RFX7: variants seen among roughly 807,000 people sequenced by gnomAD.
The protein encoded by RFX7 is regulatory factor X7, also known as DNA-binding protein RFX7.
In RFX7, 26 loss-of-function variants were observed where a neutral mutation model predicts 111.8. That is an observed-to-expected ratio of 0.23 (90% CI 0.17 to 0.32). RFX7 has a LOEUF of 0.32. Ranked by LOEUF, RFX7 falls within the 10% of genes least tolerant of loss-of-function variation. RFX7 has a pLI of 1.00. For missense variants in RFX7, 1,573 were observed against 1,772.9 expected, an observed-to-expected ratio of 0.89 and a Z score of 2.02; for synonymous variants, 624 against 624.4, an observed-to-expected ratio of 1.00 and a Z score of 0.01.
intron 3 of RFX7, among the ~76,000 whole-genome samples, chr15:56,171,770 C>G (rs557495862): frequency 6.6e-6 from 1 of 152,202 alleles, no homozygotes; most frequent in African/African-American, 2.4e-5. Flanking sequence ...GGGTATGATA[C>G]AAGTTTGGCT....
intron 2 of RFX7, among the ~76,000 whole-genome samples, chr15:56,223,135 T>C (rs1054019862): frequency 2.6e-5 from 4 of 152,192 alleles, no homozygotes; most frequent in African/African-American, 4.8e-5. Flanking sequence ...CTTTCAGCAC[T>C]GTGTAATCTC....
chr15:56,144,154 T>A (rs1486576181), intron 4 of RFX7, among the ~76,000 whole-genome samples: 1 of 152,150 alleles, frequency 6.6e-6, no homozygotes, highest in Non-Finnish European at 1.5e-5. Flanking sequence ...CATCTGTCTA[T>A]GAAACAAAAC....
chr15:56,242,406 C>A (rs184402553), intron 2 of RFX7, among the ~76,000 whole-genome samples: 167 of 152,058 alleles, frequency 1.1e-3, no homozygotes, highest in African/African-American at 3.9e-3. Context: ...AATTTTCATA[C>A]AAGAAAGTAA....
At chr15:56,184,247 C>G (rs2043012301) in intron 2 of RFX7, among the ~76,000 whole-genome samples, 1 of 131,596 alleles carries the variant, frequency 7.6e-6, no homozygotes, top group Non-Finnish European at 1.6e-5. Flanking sequence ...CCATGTTGGT[C>G]AGGCTGGTCT....
At chr15:56,110,098 T>A (rs1276596898) in intron 5 of RFX7, among the ~76,000 whole-genome samples, 4 of 87,770 alleles carry the variant, frequency 4.6e-5, no homozygotes, top group Admixed American at 1.1e-4. Context: ...GGTGGGGGGG[T>A]CAGCCCCCCG....
At chr15:56,125,717 T>A (rs1323574224) in intron 5 of RFX7, among the ~76,000 whole-genome samples, 1 of 152,030 alleles carries the variant, frequency 6.6e-6, no homozygotes, top group Non-Finnish European at 1.5e-5. Flanking sequence ...CAGTTTTTAA[T>A]CTTAAAAAAG....
At chr15:56,151,363 G>A (rs1043309588) in intron 3 of RFX7, among the ~76,000 whole-genome samples, 14 of 152,254 alleles carry the variant, frequency 9.2e-5, no homozygotes, top group African/African-American at 2.6e-4. Flanking sequence ...CAGCTCTCTC[G>A]GCAGAAACCC....
intron 3 of RFX7, among the ~76,000 whole-genome samples, chr15:56,149,562 G>T (rs1489659632): frequency 1.3e-5 from 2 of 152,218 alleles, no homozygotes; most frequent in East Asian, 3.9e-4. Context: ...GCGAGGCGAA[G>T]CAGGGTGGGG....
At chr15:56,172,977 G>A (rs2042861942) in intron 3 of RFX7, among the ~76,000 whole-genome samples, 1 of 152,036 alleles carries the variant, frequency 6.6e-6, no homozygotes, top group African/African-American at 2.4e-5. Flanking sequence ...ACAACAAAAA[G>A]CATAGACTGT....
At chr15:56,148,546 GC>G (rs765251620) in intron 3 of RFX7, among the ~76,000 whole-genome samples, 14 of 152,146 alleles carry the variant, frequency 9.2e-5, no homozygotes, top group East Asian at 5.8e-4. Context: ...TTTGAATCCT[GC>G]CACGCAACCC....
chr15:56,235,633 A>G (rs1335515201), intron 2 of RFX7, among the ~76,000 whole-genome samples: 1 of 152,178 alleles, frequency 6.6e-6, no homozygotes, highest in Non-Finnish European at 1.5e-5. Context: ...TGCTTCATCT[A>G]TAAGAGAGCT....
chr15:56,214,386 C>T (rs1008162451), intron 2 of RFX7, among the ~76,000 whole-genome samples: 1 of 152,032 alleles, frequency 6.6e-6, no homozygotes, highest in Non-Finnish European at 1.5e-5. Context: ...TTATTTATGC[C>T]TACATTATTG....
Position 56,142,902 on chromosome 15 carries a change from TA to T in RFX7, c.279-3del, listed in dbSNP as rs1369811151. 1 of 1,612,918 alleles carries T rather than the reference TA, an allele frequency of 6.2e-7. No individual in the cohort carries two copies. The highest frequency in any genetic ancestry group is 8.5e-7 in the Non-Finnish European group (1 of 1,179,562). On this transcript the variant is annotated splice_polypyrimidine_tract_variant and splice_region_variant and intron_variant, in intron 4 of 9. Coordinates refer to ENST00000559447, the MANE Select transcript of RFX7 (RefSeq NM_022841.7). ...CTAGATGACATGGCATTCTGATCAC[TA>T]ATAGAATGAAAACATGTTTTAGCTG... is the stretch of plus-strand genomic sequence containing the variant.
intron 5 of RFX7, among the ~76,000 whole-genome samples, chr15:56,106,318 G>A (rs1186252168): frequency 6.6e-6 from 1 of 152,152 alleles, no homozygotes; most frequent in African/African-American, 2.4e-5. Flanking sequence ...TACTCTGGTG[G>A]ATAAATATTA....
rs776133634 is a variant in RFX7 at position 56,101,388 on chromosome 15, G to A, written c.782C>T (p.Ala261Val). ...SHYIGTKSMA[A>V]LTVMAAAPAG... is the part of the protein sequence containing the mutation. ...TGGTGCTGCTGCCATTACAGTTAGAGCTGCCATTGACTTGGTGCCTATATA... is the reference window on the plus strand; with the variant it reads ...TGGTGCTGCTGCCATTACAGTTAGAACTGCCATTGACTTGGTGCCTATATA... Residue 261 changes from alanine (A) to valine (V), a missense_variant, in exon 8 of 10, where the codon GCT becomes GTT. Coordinates refer to ENST00000559447, the MANE Select transcript of RFX7 (RefSeq NM_022841.7). The A allele has an allele frequency of 6.2e-7, 1 of 1,603,820 alleles. No homozygotes were observed. The highest frequency in any genetic ancestry group is 1.1e-5 in the South Asian group (1 of 89,068).
At chr15:56,116,636 C>T (rs2042012111) in intron 5 of RFX7, among the ~76,000 whole-genome samples, 1 of 152,054 alleles carries the variant, frequency 6.6e-6, no homozygotes, top group Non-Finnish European at 1.5e-5. Flanking sequence ...GAAGACGATA[C>T]CCAGTTGGCC....
Position 56,093,580 on chromosome 15 carries a change from T to A in RFX7, c.4148A>T (p.Asp1383Val). 6.2e-7 allele frequency: 1 copy of A among 1,613,776 alleles called. No individual in the cohort carries two copies. Among genetic ancestry groups the A allele is most frequent in the African/African-American group, 1.3e-5 (1 of 75,048 alleles). Residue 1383 changes from aspartate (D) to valine (V), a missense_variant, in exon 10 of 10, where the codon GAT (aspartate) becomes GTT (valine). This residue lies in a region of RFX7 where 411 missense variants were observed against 478.1 expected (regional missense o/e 0.86). Coordinates refer to ENST00000559447, the MANE Select transcript of RFX7 (RefSeq NM_022841.7). ...LTNTASDFSS[D>V]IRLSSELSGS... ...TGAGAGCTCAGAAGACAACCTGATA[T>A]CGCTAGAGAAATCAGATGCAGTATT...
chr15:56,228,955 T>C (rs2043517652), intron 2 of RFX7, among the ~76,000 whole-genome samples: 1 of 152,182 alleles, frequency 6.6e-6, no homozygotes, highest in African/African-American at 2.4e-5. Flanking sequence ...GAATAAATAG[T>C]AAAATAAGTA....
intron 5 of RFX7, among the ~76,000 whole-genome samples, chr15:56,106,119 G>A (rs1397991749): frequency 1.3e-5 from 2 of 152,188 alleles, no homozygotes; most frequent in Non-Finnish European, 2.9e-5. Flanking sequence ...ACTGGGCCCA[G>A]TAATTTAAAA....
Sources: allele counts gnomAD v4.1 joint callset (sites outside exome capture counted in the v4.1 genomes callset), GRCh38; gene constraint gnomAD v4.1.1; regional missense constraint gnomAD v4.1.1; transcripts MANE v1.5; gene names NCBI Gene and HGNC (gene_info 2026-07-23, HGNC 2026-07-21).